The following BRD9 variants were observed in gnomAD, a reference collection of about 807,000 sequenced individuals.
The protein encoded by BRD9 is bromodomain containing 9, also known as bromodomain-containing protein 9.
A neutral mutation model predicts 68.7 loss-of-function variants in BRD9; 47 were observed. The ratio of observed to expected loss-of-function variants is 0.68; its 90% CI spans 0.54 to 0.87. The LOEUF (loss-of-function observed/expected upper bound fraction) is 0.87. BRD9 is among the 40% of genes least tolerant of loss of function. The pLI, the probability that BRD9 is intolerant of heterozygous loss-of-function variation, is 0.00. For missense variants in BRD9, 670 were observed against 748.4 expected (o/e 0.90, Z 1.22); for synonymous variants, 313 against 293.9 (o/e 1.06, Z -0.67).
Position 872,194 on chromosome 5 carries a change from T to C in BRD9, c.1384-630A>G, listed in dbSNP as rs114161395. Among the ~76,000 whole-genome samples, 1,084 of 152,376 alleles carry C rather than the reference T, an allele frequency of 7.1e-3. 19 individuals are homozygous for C. The highest frequency in any genetic ancestry group is 0.025 in the African/African-American group (1,039 of 41,590). The stretch of plus-strand genomic sequence containing the variant: ...TCCGGTGGAGCGATGCTGTAGTATA[T>C]GCACTCTATCATGTGTGATCTTTGT... On this transcript the variant is annotated intron_variant, in intron 12 of 15. Coordinates refer to ENST00000467963, the MANE Select transcript of BRD9 (RefSeq NM_023924.5).
Position 883,509 on chromosome 5 carries a change from T to C in BRD9, c.966+429A>G, listed in dbSNP as rs73018902. On this transcript the variant is annotated intron_variant, in intron 8 of 15. Coordinates refer to ENST00000467963, the MANE Select transcript of BRD9 (RefSeq NM_023924.5). ...GCCCCACCACCACAAAGACCATCTG[T>C]GGCAGGAGCCACGTGAACACAGTCG... The C allele has an allele frequency of 7.7e-3, 3,456 of 446,060 alleles. 104 individuals are homozygous for C. Among genetic ancestry groups the C allele is most frequent in the African/African-American group, 0.063 (3,124 of 49,740 alleles). 27.6% of individuals were successfully genotyped at this position (446,060 alleles called of 1,614,324 possible).
At chr5:878,699 C>T (rs1441845596) in intron 10 of BRD9, 1 of 624,288 alleles carries the variant, frequency 1.6e-6, no homozygotes, top group Non-Finnish European at 2.7e-6. Flanking sequence ...CTTCTGCAGG[C>T]CAAAGACCGC....
Position 864,514 on chromosome 5 carries a change from T to C in BRD9, c.1748A>G (p.Tyr583Cys), listed in dbSNP as rs777807470. ...AGGCTCTGGAGACTGAAGAAACTCA[T>C]AGGGGTCGTGGGTGACGTCTGGCTG... Reference protein sequence around the residue: ...GEQPDVTHDPYEFLQSPEPAA... With the variant: ...GEQPDVTHDPCEFLQSPEPAA... Residue 583 changes from tyrosine to cysteine, a missense_variant, in exon 16 of 16, where the codon TAT becomes TGT. By Grantham distance (194) the Tyr-to-Cys change is radical. This residue lies in a region of BRD9 where 280 missense variants were observed against 281.5 expected (regional missense o/e 0.99). Transcript: ENST00000467963. 66 of 1,613,876 alleles carry C rather than the reference T, an allele frequency of 4.1e-5. No homozygotes were observed. The highest frequency in any genetic ancestry group is 5.5e-5 in the Non-Finnish European group (65 of 1,179,928).
chr5:881,175 T>C lies in BRD9; in HGVS notation c.974A>G (p.Tyr325Cys), dbSNP rs369406742. The change falls in exon 9 of 16, where the codon TAT becomes TGT. Residue 325 changes from tyrosine to cysteine, a missense_variant. By Grantham distance (194) the Tyr-to-Cys change is radical. Around this residue, in one of 5 missense-constraint regions of BRD9, gnomAD observed 135 missense variants for 141.2 expected, o/e 0.96. Transcript: ENST00000467963. The stretch of plus-strand genomic sequence containing the variant: ...GCTCCCGTCCCCGTTCCTCTTCAGA[T>C]AGCCCATCTGGAAGGAAGCACTGCC... Reference protein sequence around the residue: ...NRFLPGGKMGYLKRNGDGSLL... With the variant: ...NRFLPGGKMGCLKRNGDGSLL... 3.7e-6 allele frequency: 6 copies of C among 1,613,884 alleles called. No individual in the cohort carries two copies. The highest frequency in any genetic ancestry group is 2.7e-5 in the African/African-American group (2 of 74,958).
intron 4 of BRD9, 142 bp downstream of exon 4, chr5:889,445 A>G: frequency 1.1e-6 from 1 of 929,988 alleles, no homozygotes. Flanking sequence ...CTTCCTACGC[A>G]CCCCGAAGTG....
At chr5:892,147 T>C in intron 1 of BRD9, 2 of 456,146 alleles carry the variant, frequency 4.4e-6, no homozygotes, top group East Asian at 4.4e-5. Context: ...AAGAGGGACC[T>C]GGAACCCCGG....
Position 892,720 on chromosome 5 carries a change from G to C in BRD9, c.-63C>G, listed in dbSNP as rs1039450117. ...ACAGCTGGCACCCGGTCGGACCTTG[G>C]CCGCCACCGCCCCCTGGCCCTGGCT... On this transcript the variant is annotated 5_prime_UTR_variant, in exon 1 of 16. Transcript: ENST00000467963. 1 of 1,288,482 alleles carries C rather than the reference G, an allele frequency of 7.8e-7. No individual in the cohort carries two copies. Among genetic ancestry groups the C allele is most frequent in the African/African-American group, 1.6e-5 (1 of 64,100 alleles). 79.8% of individuals were successfully genotyped at this position (1,288,482 alleles called of 1,614,324 possible). A position where few individuals can be genotyped will look rare whatever the true frequency, so the allele number is the denominator to read the frequency against.
chr5:883,622 C>T, intron 8 of BRD9: 1 of 447,460 alleles, frequency 2.2e-6, no homozygotes, highest in South Asian at 2.1e-5. Flanking sequence ...CACCCAGTGA[C>T]AGAGACACAG....
chr5:874,511 C>T (rs868654601), intron 12 of BRD9, among the ~76,000 whole-genome samples: 1 of 152,118 alleles, frequency 6.6e-6, no homozygotes, highest in Admixed American at 6.5e-5. Flanking sequence ...TATCAGACAG[C>T]GAGGGTCAGG....
At chr5:891,540 C>G in intron 2 of BRD9, 100 bp downstream of exon 2, 1 of 1,478,294 alleles carries the variant, frequency 6.8e-7, no homozygotes, top group Non-Finnish European at 8.9e-7. Context: ...ACCCCCTCCC[C>G]TCCTCCAGCC....
chr5:892,401 C>T (rs1753581967), intron 1 of BRD9: 1 of 1,216,930 alleles, frequency 8.2e-7, no homozygotes, highest in Non-Finnish European at 1.1e-6. Flanking sequence ...GAACCCTCTA[C>T]CAGGAACGTA....
Position 864,236 on chromosome 5 carries a change from T to A in BRD9, c.*232A>T, listed in dbSNP as rs1402501875. 2 of 394,940 alleles carry A rather than the reference T, an allele frequency of 5.1e-6. No individual in the cohort carries two copies. The highest frequency in any genetic ancestry group is 9.4e-5 in the East Asian group (2 of 21,216). The allele number at this position is 394,940 out of a possible 1,614,324, so 24.5% of individuals were successfully genotyped here. Reference sequence around the variant, plus strand: ...GGTTCACGGGGCTGTGTACAGAGACTCTCTCTGCTGACACGATGGCCATAT... The same window carrying A: ...GGTTCACGGGGCTGTGTACAGAGACACTCTCTGCTGACACGATGGCCATAT... On this transcript the variant is annotated 3_prime_UTR_variant, in exon 16 of 16. Transcript: ENST00000467963.
At chr5:875,299 C>T (rs183097997) in intron 12 of BRD9, among the ~76,000 whole-genome samples, 1 of 151,360 alleles carries the variant, frequency 6.6e-6, no homozygotes, top group African/African-American at 2.4e-5. Context: ...CAGATCTGGC[C>T]GAAAAGACAC....
chr5:884,091 A>G (rs1310780533), intron 7 of BRD9, 21 bp from the exon 8 acceptor site: 7 of 1,608,416 alleles, frequency 4.4e-6, no homozygotes. Flanking sequence ...GGGACAACCA[A>G]GTCACCTGGA....
intron 8 of BRD9, chr5:883,191 G>A (rs904086404): frequency 5.2e-6 from 2 of 385,958 alleles, no homozygotes; most frequent in African/African-American, 4.2e-5. Context: ...CCTCTGAAAT[G>A]CCCCCACTTC....
chr5:891,714 C>T lies in BRD9; in HGVS notation c.193G>A (p.Glu65Lys). ...TTCTTCTTCTTCTTCTTTTTCTTTT[C>T]TTTGTGCCTCTCTCGCTCATGGTCT... Reference protein sequence around the residue: ...RSDHERERHKEKKKKKKKKSE... With the variant: ...RSDHERERHKKKKKKKKKKSE... Residue 65 changes from glutamate (E) to lysine (K), a missense_variant, in exon 2 of 16, where the codon GAA becomes AAA. Physicochemically the swap from Glu to Lys is moderately conservative, Grantham distance 56. Around this residue, in one of 5 missense-constraint regions of BRD9, gnomAD observed 161 missense variants for 148.1 expected, o/e 1.09. Transcript: ENST00000467963. The T allele has an allele frequency of 6.4e-7, 1 of 1,551,480 alleles. No individual in the cohort carries two copies. The highest frequency in any genetic ancestry group is 8.7e-7 in the Non-Finnish European group (1 of 1,146,974).
At chr5:887,210 C>T (rs901968688) in intron 6 of BRD9, 151 bp downstream of exon 6, 33 of 655,356 alleles carry the variant, frequency 5.0e-5, no homozygotes, top group Admixed American at 2.5e-4. Context: ...AGAGGGCGGC[C>T]GGGGACGTCT....
chr5:890,844 T>C (rs1368105844), intron 3 of BRD9, among the ~76,000 whole-genome samples: 1 of 152,176 alleles, frequency 6.6e-6, no homozygotes, highest in East Asian at 1.9e-4. Context: ...GCGGGTCACA[T>C]ACGATTGGTC....
chr5:881,120 C>T lies in BRD9; in HGVS notation c.1029G>A (p.Glu343=), dbSNP rs1426602706. The T allele has an allele frequency of 5.0e-6, 8 of 1,614,096 alleles. No homozygotes were observed. Among genetic ancestry groups the T allele is most frequent in the Non-Finnish European group, 6.8e-6 (8 of 1,180,028 alleles). The part of the protein sequence containing the change: ...SLLYSVVNTA[E]PDADEEETHP... ...GCGGGCACCCACCATCAGCGTCCGG[C>T]TCGGCCGTGTTGACCACGCTGTAGA... The change falls in exon 9 of 16, where the codon GAG becomes GAA. Residue 343 remains glutamate (E), a synonymous_variant. Coordinates refer to ENST00000467963, the MANE Select transcript of BRD9 (RefSeq NM_023924.5).
Sources: gnomAD v4.1 joint callset for allele counts (sites outside exome capture counted in the v4.1 genomes callset) on GRCh38, gnomAD v4.1.1 for gene constraint, gnomAD v4.1.1 regional missense constraint, MANE v1.5 for transcripts, NCBI Gene and HGNC (gene_info 2026-07-23, HGNC 2026-07-21) for gene names.